BLTP1: variants seen among roughly 807,000 people sequenced by gnomAD.
The protein encoded by BLTP1 is fragile site-associated protein.
the BLTP1 span, chr4:122,188,167 C>G: frequency 1.6e-6 from 2 of 1,274,422 alleles, no homozygotes; most frequent in Non-Finnish European, 2.0e-6. Context: ...CATCCTTTTA[C>G]TTTTTTTGCT....
At chr4:122,160,889 GA>G in the BLTP1 span, among the ~76,000 whole-genome samples, 4,901 of 152,226 alleles carry the variant, frequency 0.032, 246 homozygotes, top group African/African-American at 0.11. Context: ...ATTATCTGAA[GA>G]TAATTTGTTA....
chr4:122,182,354 C>T, the BLTP1 span, among the ~76,000 whole-genome samples: 234 of 152,266 alleles, frequency 1.5e-3, no homozygotes, highest in Non-Finnish European at 2.6e-3. Flanking sequence ...CTCCCCTGCC[C>T]TCCCCTGAGT....
At chr4:122,292,325 A>AT in the BLTP1 span, 159 of 917,692 alleles carry the variant, frequency 1.7e-4, no homozygotes, top group Middle Eastern at 5.6e-4. Context: ...CAAAGCCATT[A>AT]TTTTTTTTGT....
chr4:122,286,721 T>C, the BLTP1 span: 1 of 1,614,010 alleles, frequency 6.2e-7, no homozygotes, highest in Non-Finnish European at 8.5e-7. Flanking sequence ...GTGTGGAGTA[T>C]AGATGAACTG....
the BLTP1 span, chr4:122,352,851 C>G: frequency 4.0e-4 from 632 of 1,593,866 alleles, 1 homozygote; most frequent in Non-Finnish European, 5.1e-4. Flanking sequence ...TCTACCCTAT[C>G]CAAGGGTACT....
chr4:122,281,556 A>C, the BLTP1 span: 1 of 1,599,384 alleles, frequency 6.3e-7, no homozygotes, highest in African/African-American at 1.4e-5. Flanking sequence ...GTAAAAGAAG[A>C]TATTGCAACC....
the BLTP1 span, chr4:122,235,532 G>C: frequency 3.1e-6 from 3 of 964,342 alleles, no homozygotes; most frequent in African/African-American, 5.3e-5. Context: ...CTGGCCGGGC[G>C]TGGTGGCTCA....
At chr4:122,336,226 C>T in the BLTP1 span, 2 of 1,608,912 alleles carry the variant, frequency 1.2e-6, no homozygotes, top group Admixed American at 1.7e-5. Flanking sequence ...TAAAAACAGC[C>T]AAGTTATATG....
chr4:122,170,490 T>C, the BLTP1 span: 1 of 1,308,544 alleles, frequency 7.6e-7, no homozygotes, highest in South Asian at 1.9e-5. Context: ...ATTCTCATCA[T>C]TGAAGGAAAC....
chr4:122,233,731 C>CT, the BLTP1 span, among the ~76,000 whole-genome samples: 1 of 152,094 alleles, frequency 6.6e-6, no homozygotes, highest in Admixed American at 6.5e-5. Flanking sequence ...CTCTATGTTA[C>CT]TTTTTGAAAG....
At chr4:122,276,087 T>C in the BLTP1 span, 2 of 1,328,664 alleles carry the variant, frequency 1.5e-6, no homozygotes, top group Non-Finnish European at 2.0e-6. Flanking sequence ...TTTTAAAATA[T>C]TTAAATTTTT....
the BLTP1 span, among the ~76,000 whole-genome samples, chr4:122,171,624 T>C: frequency 6.8e-6 from 1 of 146,010 alleles, no homozygotes; most frequent in Non-Finnish European, 1.5e-5. Flanking sequence ...ATTAAGTAAT[T>C]TATATGGGTT....
At chr4:122,332,334 G>T in the BLTP1 span, among the ~76,000 whole-genome samples, 1 of 151,904 alleles carries the variant, frequency 6.6e-6, no homozygotes, top group East Asian at 1.9e-4. Context: ...TGATAAAAAG[G>T]ATGACTATTA....
chr4:122,227,916 A>ATT, the BLTP1 span, among the ~76,000 whole-genome samples: 6 of 136,462 alleles, frequency 4.4e-5, no homozygotes, highest in Non-Finnish European at 3.2e-5. Flanking sequence ...TTGCATTAAA[A>ATT]TTTTTTTTTT....
the BLTP1 span, among the ~76,000 whole-genome samples, chr4:122,273,652 T>C: frequency 6.6e-6 from 1 of 152,036 alleles, no homozygotes; most frequent in Non-Finnish European, 1.5e-5. Context: ...TTATCAGTAG[T>C]CTTTAGAGCA....
chr4:122,234,343 T>C, the BLTP1 span: 1 of 169,458 alleles, frequency 5.9e-6, no homozygotes. Context: ...AAATTTGCAA[T>C]GTGAAATAGG....
At chr4:122,325,217 T>C in the BLTP1 span, 1 of 1,589,114 alleles carries the variant, frequency 6.3e-7, no homozygotes, top group Non-Finnish European at 8.6e-7. Context: ...TATAACTTTA[T>C]ATTTACTTGC....
chr4:122,344,330 G>GTA, the BLTP1 span: 1 of 1,549,530 alleles, frequency 6.5e-7, no homozygotes, highest in African/African-American at 1.4e-5. Context: ...ACAGCTGTGT[G>GTA]TATATATGTA....
the BLTP1 span, chr4:122,257,093 G>C: frequency 4.2e-6 from 1 of 238,152 alleles, no homozygotes; most frequent in Non-Finnish European, 6.8e-6. Context: ...TTGAAATCCT[G>C]ACTCTCTTGG....
Sources: allele counts gnomAD v4.1 joint callset (sites outside exome capture counted in the v4.1 genomes callset), GRCh38; gene constraint gnomAD v4.1.1; transcripts MANE v1.5; gene names NCBI Gene and HGNC (gene_info 2026-07-23, HGNC 2026-07-21).